The following SCHIP1 variants were observed in gnomAD, a reference collection of about 807,000 sequenced individuals.
SCHIP1 encodes the protein schwannomin-interacting protein 1.
A neutral mutation model predicts 29.7 loss-of-function variants in SCHIP1; 8 were observed. That is an observed-to-expected ratio of 0.27 (90% confidence interval 0.16 to 0.49). SCHIP1 has a LOEUF of 0.49. Among genes scored for constraint, SCHIP1 ranks in the 20% least tolerant of loss-of-function variants. The pLI is 0.99. For missense variants in SCHIP1, 193 were observed against 294.6 expected (o/e 0.66, Z 2.52); for synonymous variants, 76 against 94.9 (o/e 0.80, Z 1.16).
At chr3:159,681,285 A>T in the SCHIP1 span, among the ~76,000 whole-genome samples, 1 of 151,676 alleles carries the variant, frequency 6.6e-6, no homozygotes, top group African/African-American at 2.4e-5. Context: ...AAGAGGAGAA[A>T]TGGGGAAAAA....
At chr3:159,811,967 TG>T in the SCHIP1 span, among the ~76,000 whole-genome samples, 281 of 84,898 alleles carry the variant, frequency 3.3e-3, 2 homozygotes, top group African/African-American at 0.011. Flanking sequence ...TAGTTTTTTT[TG>T]TTTTTGTTTT....
At chr3:159,761,627 T>A in the SCHIP1 span, among the ~76,000 whole-genome samples, 40 of 152,250 alleles carry the variant, frequency 2.6e-4, 1 homozygote, top group South Asian at 8.3e-3. Flanking sequence ...GAAAGGAAAC[T>A]GGGCTAGCCA....
At chr3:159,612,861 T>C in the SCHIP1 span, among the ~76,000 whole-genome samples, 6 of 152,238 alleles carry the variant, frequency 3.9e-5, no homozygotes, top group Non-Finnish European at 8.8e-5. Context: ...CAGATGAAGA[T>C]GTTGAGATAG....
the SCHIP1 span, among the ~76,000 whole-genome samples, chr3:159,398,278 C>T: frequency 6.6e-6 from 1 of 152,136 alleles, no homozygotes; most frequent in Non-Finnish European, 1.5e-5. Flanking sequence ...GCAGAAATCA[C>T]CCGTCTTCTG....
the SCHIP1 span, among the ~76,000 whole-genome samples, chr3:159,783,916 A>AT: frequency 0.013 from 1,965 of 152,344 alleles, 41 homozygotes; most frequent in African/African-American, 0.045. Flanking sequence ...AGGCGTTGTA[A>AT]TGCCAGGTGC....
At chr3:159,294,779 T>C in the SCHIP1 span, among the ~76,000 whole-genome samples, 2 of 152,126 alleles carry the variant, frequency 1.3e-5, no homozygotes, top group Admixed American at 6.5e-5. Context: ...ATGAAGTAGA[T>C]TTTAGAGTCT....
chr3:159,598,937 A>C, the SCHIP1 span, among the ~76,000 whole-genome samples: 1 of 152,152 alleles, frequency 6.6e-6, no homozygotes, highest in Non-Finnish European at 1.5e-5. Flanking sequence ...TTTTCATTAT[A>C]TAATGACATG....
the SCHIP1 span, among the ~76,000 whole-genome samples, chr3:159,509,809 G>T: frequency 6.6e-6 from 1 of 152,300 alleles, no homozygotes; most frequent in African/African-American, 2.4e-5. Flanking sequence ...ACTCTCTTCT[G>T]GCTTGTAGAG....
At chr3:159,507,895 C>A in the SCHIP1 span, among the ~76,000 whole-genome samples, 1 of 152,120 alleles carries the variant, frequency 6.6e-6, no homozygotes, top group East Asian at 1.9e-4. Flanking sequence ...ATTTTTGCAT[C>A]GATATTCATC....
chr3:159,656,094 G>A, the SCHIP1 span, among the ~76,000 whole-genome samples: 9 of 152,148 alleles, frequency 5.9e-5, no homozygotes, highest in Non-Finnish European at 1.3e-4. Context: ...TTCATTGTGT[G>A]GCATAGACTT....
At chr3:159,520,886 A>G in the SCHIP1 span, among the ~76,000 whole-genome samples, 2 of 152,324 alleles carry the variant, frequency 1.3e-5, no homozygotes, top group South Asian at 4.1e-4. Flanking sequence ...GTCATTAGAC[A>G]TTTTGGTTAT....
the SCHIP1 span, among the ~76,000 whole-genome samples, chr3:159,709,243 T>C: frequency 2.0e-5 from 3 of 152,160 alleles, no homozygotes; most frequent in African/African-American, 4.8e-5. Flanking sequence ...AATATGGCTA[T>C]AAGAGTAACA....
At chr3:159,326,581 A>G in the SCHIP1 span, among the ~76,000 whole-genome samples, 1 of 152,210 alleles carries the variant, frequency 6.6e-6, no homozygotes, top group Non-Finnish European at 1.5e-5. Context: ...TATGATTTAT[A>G]CATATCAATA....
the SCHIP1 span, among the ~76,000 whole-genome samples, chr3:159,604,352 A>G: frequency 2.0e-5 from 3 of 152,156 alleles, no homozygotes; most frequent in Admixed American, 1.3e-4. Flanking sequence ...TGCAGACCCA[A>G]GAGAATCATT....
chr3:159,364,663 C>A, the SCHIP1 span, among the ~76,000 whole-genome samples: 4 of 152,272 alleles, frequency 2.6e-5, no homozygotes, highest in East Asian at 7.7e-4. Flanking sequence ...TGAATGTCAC[C>A]TCTGCAAGTT....
At chr3:159,401,893 C>G in the SCHIP1 span, among the ~76,000 whole-genome samples, 11 of 152,160 alleles carry the variant, frequency 7.2e-5, no homozygotes, top group Non-Finnish European at 1.3e-4. Context: ...TTCCCAGCAC[C>G]ATTTATTGAA....
At chr3:159,422,799 C>CTA in the SCHIP1 span, among the ~76,000 whole-genome samples, 2 of 152,180 alleles carry the variant, frequency 1.3e-5, no homozygotes, top group Non-Finnish European at 2.9e-5. Flanking sequence ...CATTGCTGTA[C>CTA]AGTATTCCAT....
chr3:159,853,419 C>A, intron 1 of SCHIP1: 1 of 697,904 alleles, frequency 1.4e-6, no homozygotes, highest in South Asian at 1.5e-5. Context: ...CATCATCAGT[C>A]AAGAATCCTC....
upstream of SCHIP1, among the ~76,000 whole-genome samples, chr3:159,837,111 T>C (rs1413545858): frequency 1.5e-5 from 2 of 130,716 alleles, no homozygotes; most frequent in African/African-American, 5.2e-5. Context: ...ATGTTTAGAC[T>C]TTTTTTTTTT....
Sources: gnomAD v4.1 joint callset for allele counts (sites outside exome capture counted in the v4.1 genomes callset) on GRCh38, gnomAD v4.1.1 for gene constraint, MANE v1.5 for transcripts, NCBI Gene and HGNC (gene_info 2026-07-23, HGNC 2026-07-21) for gene names.